Variants in CUX1 observed in about 807,000 individuals in gnomAD.
The protein encoded by CUX1 is cut like homeobox 1, also known as protein CASP.
CUX1 carries 31 observed loss-of-function variants against 158.8 expected under a neutral mutation model. The ratio of observed to expected loss-of-function variants is 0.20; its 90% CI spans 0.15 to 0.26. CUX1 has a LOEUF of 0.26. CUX1 is among the 10% of genes least tolerant of loss of function. The pLI, the probability that CUX1 is intolerant of heterozygous loss-of-function variation, is 1.00. For missense variants in CUX1, 1,589 were observed against 2,014.6 expected (o/e 0.79, Z 4.04); for synonymous variants, 879 against 862.1 (o/e 1.02, Z -0.34).
chr7:102,059,683 G>A (rs920068645), intron 3 of CUX1, among the ~76,000 whole-genome samples: 4 of 151,158 alleles, frequency 2.6e-5, no homozygotes, highest in East Asian at 1.9e-4. Flanking sequence ...GCCTGCGTAC[G>A]TGTCTGTTTT....
chr7:102,281,945 GA>G (rs782530657), intron 21 of CUX1: 6 of 1,533,410 alleles, frequency 3.9e-6, no homozygotes, highest in Non-Finnish European at 5.4e-6. Flanking sequence ...GGGCGGGCCA[GA>G]GGCACATTCA....
chr7:102,004,832 C>T (rs1282124615), intron 2 of CUX1, among the ~76,000 whole-genome samples: 2 of 152,206 alleles, frequency 1.3e-5, no homozygotes, highest in Non-Finnish European at 2.9e-5. Flanking sequence ...CAGGGGTCCA[C>T]ACGCTTTCTC....
chr7:102,110,597 C>T (rs1048872688), intron 6 of CUX1, among the ~76,000 whole-genome samples: 1 of 152,124 alleles, frequency 6.6e-6, no homozygotes, highest in Non-Finnish European at 1.5e-5. Flanking sequence ...CGTATTAGTT[C>T]ATATTATGCT....
intron 3 of CUX1, among the ~76,000 whole-genome samples, chr7:102,037,893 G>C (rs1270317699): frequency 6.6e-6 from 1 of 151,568 alleles, no homozygotes. Flanking sequence ...TATCTCTGCT[G>C]AAAATACAAA....
chr7:102,250,678 GCA>G lies in CUX1; in HGVS notation c.*1639_*1640del. 7 of 985,270 alleles carry G rather than the reference GCA, an allele frequency of 7.1e-6. No homozygotes were observed. The highest frequency in any genetic ancestry group is 7.2e-6 in the Non-Finnish European group (6 of 829,918). The allele number at this position is 985,270 out of a possible 1,614,324, so 61.0% of individuals were successfully genotyped here. ...CATTTCGCCTCTTAGTTCTTTTTAT[GCA>G]CAGTTTTAGGGCAGTCTAAGTACAA... On this transcript the variant is annotated 3_prime_UTR_variant, in exon 24 of 24. Coordinates refer to ENST00000292535, the MANE Select transcript of CUX1 (RefSeq NM_181552.4).
At chr7:101,850,355 C>T (rs1796139809) in intron 1 of CUX1, among the ~76,000 whole-genome samples, 1 of 151,646 alleles carries the variant, frequency 6.6e-6, no homozygotes, top group African/African-American at 2.4e-5. Context: ...AACCCCACCC[C>T]ACTTCTCCCC....
chr7:102,217,265 T>C (rs1206886820), intron 20 of CUX1, among the ~76,000 whole-genome samples: 4 of 152,262 alleles, frequency 2.6e-5, no homozygotes, highest in African/African-American at 9.6e-5. Context: ...TTTAATATCT[T>C]CAAGCTCTGC....
intron 21 of CUX1, chr7:102,281,999 G>A (rs1329880270): frequency 1.7e-5 from 17 of 1,017,504 alleles, no homozygotes; most frequent in African/African-American, 4.7e-5. Flanking sequence ...GGCCTGTTAC[G>A]GTGGCCTGGC....
intron 8 of CUX1, among the ~76,000 whole-genome samples, chr7:102,130,185 G>C (rs1384682970): frequency 2.6e-5 from 4 of 152,096 alleles, no homozygotes; most frequent in African/African-American, 9.7e-5. Context: ...TCTAAGGCAA[G>C]CCTGCAATAT....
intron 20 of CUX1, among the ~76,000 whole-genome samples, chr7:102,222,719 G>C (rs1797926699): frequency 6.6e-6 from 1 of 151,562 alleles, no homozygotes; most frequent in African/African-American, 2.4e-5. Context: ...GCACACTTGG[G>C]CGCAGGGTGC....
intron 22 of CUX1, 93 bp downstream of exon 22, chr7:102,234,333 T>A (rs1799313687): frequency 8.1e-7 from 1 of 1,228,938 alleles, no homozygotes; most frequent in Admixed American, 3.6e-5. Context: ...ATGAGGGACA[T>A]TGACCCATGA....
chr7:102,014,629 G>A (rs1364013305), intron 2 of CUX1, among the ~76,000 whole-genome samples: 1 of 152,140 alleles, frequency 6.6e-6, no homozygotes, highest in Admixed American at 6.6e-5. Flanking sequence ...TTGCTTGGAA[G>A]TTTTTGTTTC....
chr7:102,201,870 G>A lies in CUX1; in HGVS notation c.2573G>A (p.Gly858Glu), dbSNP rs782201245. ...AAAGAGAAGGGCAGCGGTGGCAGCGGAGGTGGCAGCCAGCCTCGGGCCGAG... is the reference window on the plus strand; with the variant it reads ...AAAGAGAAGGGCAGCGGTGGCAGCGAAGGTGGCAGCCAGCCTCGGGCCGAG... Reference protein sequence around the residue: ...GGKEKGSGGSGGGSQPRAERS... With the variant: ...GGKEKGSGGSEGGSQPRAERS... The change falls in exon 18 of 24, where the codon GGA becomes GAA. Residue 858 changes from glycine (G) to glutamate (E), a missense_variant. Gly to Glu is a moderately conservative substitution (Grantham distance 98). Around this residue, in one of 8 missense-constraint regions of CUX1, gnomAD observed 337 missense variants for 409.3 expected, o/e 0.82. Coordinates refer to ENST00000292535, the MANE Select transcript of CUX1 (RefSeq NM_181552.4). This position sits in a 1 kb window ranked among gnomAD's most constrained non-coding sequence, Gnocchi z 5.0. 2.5e-6 allele frequency: 4 copies of A among 1,613,398 alleles called. No individual in the cohort carries two copies. The African/African-American group carries it at 5.3e-5, about 22-fold the overall frequency.
chr7:102,021,864 A>G (rs1440511467), intron 2 of CUX1, among the ~76,000 whole-genome samples: 1 of 152,098 alleles, frequency 6.6e-6, no homozygotes, highest in African/African-American at 2.4e-5. Flanking sequence ...CCCGGCCCAG[A>G]TATTTTAAAA....
intron 2 of CUX1, among the ~76,000 whole-genome samples, chr7:102,025,672 G>A (rs878922458): frequency 1.3e-5 from 2 of 151,894 alleles, no homozygotes; most frequent in Non-Finnish European, 2.9e-5. Context: ...ATTATTTTTT[G>A]TCCTGGAGCC....
chr7:102,198,422 G>A (rs1245376520), intron 15 of CUX1, among the ~76,000 whole-genome samples: 1 of 152,188 alleles, frequency 6.6e-6, no homozygotes, highest in Non-Finnish European at 1.5e-5. Context: ...GCATCAATTT[G>A]CACCAAGAAA....
intron 1 of CUX1, among the ~76,000 whole-genome samples, chr7:101,828,067 C>T (rs1261806315): frequency 1.3e-5 from 2 of 151,338 alleles, no homozygotes; most frequent in African/African-American, 2.4e-5. Context: ...CCTTCGCCTC[C>T]CAGGTTCAAG....
At chr7:102,192,059 C>T (rs1424799581) in intron 12 of CUX1, among the ~76,000 whole-genome samples, 1 of 152,212 alleles carries the variant, frequency 6.6e-6, no homozygotes, top group Non-Finnish European at 1.5e-5. Flanking sequence ...CAGGTGGCTT[C>T]TTTGCCCAAA....
rs1432476311 is a variant in CUX1 at position 102,128,247 on chromosome 7, T to C, written c.674+12974T>C. 2.6e-5 allele frequency among the ~76,000 whole-genome samples: 4 copies of C among 152,198 alleles called. No individual in the cohort carries two copies. In the South Asian group the frequency reaches 6.2e-4, roughly 24 times the overall value. ...AGTACTGGCACGGGGCCTCTGTTCCTAGACTGCTGCTCCATGACGTTTGTA... is the reference window on the plus strand; with the variant it reads ...AGTACTGGCACGGGGCCTCTGTTCCCAGACTGCTGCTCCATGACGTTTGTA... On this transcript the variant is annotated intron_variant, in intron 8 of 23. Transcript: ENST00000292535.
Sources: allele counts gnomAD v4.1 joint callset (sites outside exome capture counted in the v4.1 genomes callset), GRCh38; gene constraint gnomAD v4.1.1; regional missense constraint gnomAD v4.1.1; non-coding constraint Gnocchi (gnomAD v3.1); transcripts MANE v1.5; gene names NCBI Gene and HGNC (gene_info 2026-07-23, HGNC 2026-07-21).